ABLIM2: variants seen among roughly 807,000 people sequenced by gnomAD.
ABLIM2 encodes the protein actin binding LIM protein family member 2, also known as actin-binding LIM protein 2.
Under a neutral mutation model 97.7 loss-of-function variants are expected in ABLIM2, and 53 were observed. That is an observed-to-expected ratio of 0.54 (90% CI 0.44 to 0.68). The LOEUF (loss-of-function observed/expected upper bound fraction) is 0.68, where lower values mean the gene tolerates loss of function less well. Among genes scored for constraint, ABLIM2 ranks in the 30% least tolerant of loss-of-function variants. The pLI, the probability that ABLIM2 is intolerant of heterozygous loss-of-function variation, is 0.00. For missense variants in ABLIM2, 835 were observed against 867.2 expected (o/e 0.96, Z 0.47); for synonymous variants, 361 against 345.8 (o/e 1.04, Z -0.49).
In ABLIM2 at chr4:8,125,339, GT is replaced by G. The variant is rs908424082; in HGVS notation, c.11-18703del. ...GAGTGTTCTTCTAAGAGATTTACGG[GT>G]TTTTTGGTTTTACTGTAATTTTACA... On this transcript the variant is annotated intron_variant, in intron 1 of 20. Transcript: ENST00000447017. This position sits in a 1 kb window ranked among gnomAD's most constrained non-coding sequence, Gnocchi z 6.2. 6.6e-6 allele frequency among the ~76,000 whole-genome samples: 1 copy of G among 152,168 alleles called. No homozygotes were observed. Among genetic ancestry groups the G allele is most frequent in the East Asian group, 1.9e-4 (1 of 5,194 alleles).
At position 8,124,647 on chromosome 4, in the gene ABLIM2, C is replaced by G. The variant is rs986722886; in HGVS notation, c.11-18010G>C. ...TACAGACAGACCCTATTTGGCTCAT[C>G]CATTAGTCAGTGGATGAACTTTGGG... On this transcript the variant is annotated intron_variant, in intron 1 of 20. Coordinates refer to ENST00000447017, the MANE Select transcript of ABLIM2 (RefSeq NM_001130083.2). This position sits in a 1 kb window ranked among gnomAD's most constrained non-coding sequence, Gnocchi z 6.1. Among the ~76,000 whole-genome samples, 2 of 152,162 alleles carry G rather than the reference C, an allele frequency of 1.3e-5. No individual in the cohort carries two copies. Among genetic ancestry groups the G allele is most frequent in the African/African-American group, 4.8e-5 (2 of 41,422 alleles).
intron 10 of ABLIM2, among the ~76,000 whole-genome samples, chr4:8,034,413 G>A (rs927995509): frequency 4.7e-5 from 7 of 148,726 alleles, no homozygotes; most frequent in Admixed American, 4.7e-4. Flanking sequence ...AGGTAGGTGG[G>A]TGGTAGACAG....
intron 1 of ABLIM2, among the ~76,000 whole-genome samples, chr4:8,116,025 C>G (rs773265290): frequency 1.3e-5 from 2 of 152,218 alleles, no homozygotes; most frequent in East Asian, 1.9e-4. Context: ...TCAGCAAAGA[C>G]GCCTGTGGAG....
intron 8 of ABLIM2, among the ~76,000 whole-genome samples, chr4:8,051,689 T>G (rs910251776): frequency 9.2e-5 from 14 of 152,112 alleles, no homozygotes; most frequent in Non-Finnish European, 1.9e-4. Flanking sequence ...GATATGCAAA[T>G]GCAGGCCACT....
Position 8,061,948 on chromosome 4 carries a change from T to C in ABLIM2, c.676-894A>G, listed in dbSNP as rs1365028799. On this transcript the variant is annotated intron_variant, in intron 6 of 20. Coordinates refer to ENST00000447017, the MANE Select transcript of ABLIM2 (RefSeq NM_001130083.2). The surrounding 1 kb of genome is among the most constrained non-coding windows in gnomAD (Gnocchi z 4.5). ...ACAGCCCCGAGATGGCCCCTGTGTA[T>C]TGGGAGGAAGAGCCCAGAGCAGGCT... is the stretch of plus-strand genomic sequence containing the variant. Among the ~76,000 whole-genome samples, 1 of 152,132 alleles carries C rather than the reference T, an allele frequency of 6.6e-6. No homozygotes were observed. The highest frequency in any genetic ancestry group is 2.4e-5 in the African/African-American group (1 of 41,420).
At chr4:8,011,968 A>G (rs1420181799) in intron 14 of ABLIM2, among the ~76,000 whole-genome samples, 1 of 152,078 alleles carries the variant, frequency 6.6e-6, no homozygotes, top group East Asian at 1.9e-4. Flanking sequence ...TTACTGCTTT[A>G]TTCCTTTCCA....
At chr4:8,139,085 C>A (rs1421155059) in intron 1 of ABLIM2, among the ~76,000 whole-genome samples, 3 of 152,108 alleles carry the variant, frequency 2.0e-5, no homozygotes, top group Admixed American at 2.0e-4. Context: ...AATCCCAGCT[C>A]CTTGGGAGGC....
rs371842059 is a variant in ABLIM2 at position 8,014,241 on chromosome 4, G to A, written c.1424-5139C>T. 9.2e-5 allele frequency among the ~76,000 whole-genome samples: 14 copies of A among 152,374 alleles called. No individual in the cohort carries two copies. The East Asian group carries it at 2.7e-3, about 29-fold the overall frequency. ...GAAGGAGCTGATAGCAACTGGGGAA[G>A]GTGCCCGGGGTTTCATCCCTTAGGC... On this transcript the variant is annotated intron_variant, in intron 14 of 20. Transcript: ENST00000447017.
At chr4:7,969,000 C>T (rs563472760) in intron 20 of ABLIM2, among the ~76,000 whole-genome samples, 211 of 151,994 alleles carry the variant, frequency 1.4e-3, no homozygotes, top group Non-Finnish European at 2.2e-3. Context: ...GGCATGGTGG[C>T]ACATGCCTGT....
rs116640360 is a variant in ABLIM2, at chr4:8,023,805, C to A, written c.1268-3502G>T. 6.7e-3 allele frequency among the ~76,000 whole-genome samples: 1,014 copies of A among 152,314 alleles called. 9 individuals are homozygous for A. Among genetic ancestry groups the A allele is most frequent in the African/African-American group, 0.022 (934 of 41,564 alleles). On this transcript the variant is annotated intron_variant, in intron 12 of 20. Transcript: ENST00000447017. This position sits in a 1 kb window ranked among gnomAD's most constrained non-coding sequence, Gnocchi z 5.7. ...TATGTAGATCCTTGTGGACTGACGG[C>A]TCTTGCTATTATACTCTAGTTTACA...
intron 16 of ABLIM2, among the ~76,000 whole-genome samples, chr4:7,995,930 C>T (rs1753003605): frequency 6.6e-6 from 1 of 152,120 alleles, no homozygotes; most frequent in Non-Finnish European, 1.5e-5. Context: ...CCGAGACGTG[C>T]AGGAACCTGC....
At chr4:8,144,953 G>A (rs567039679) in intron 1 of ABLIM2, among the ~76,000 whole-genome samples, 14 of 152,338 alleles carry the variant, frequency 9.2e-5, no homozygotes, top group African/African-American at 3.4e-4. Context: ...CTGGGGAGGC[G>A]GCAGCACTGA....
At position 8,127,559 on chromosome 4, in the gene ABLIM2, C is replaced by T; in HGVS notation, c.11-20922G>A. ...TTTGGGGATTTACCTGTGTCTCCCCCTGGCACCCCCATGGAGCGTGGCTGC... is the reference window on the plus strand; with the variant it reads ...TTTGGGGATTTACCTGTGTCTCCCCTTGGCACCCCCATGGAGCGTGGCTGC... On this transcript the variant is annotated intron_variant, in intron 1 of 20. Coordinates refer to ENST00000447017, the MANE Select transcript of ABLIM2 (RefSeq NM_001130083.2). The surrounding 1 kb of genome is among the most constrained non-coding windows in gnomAD (Gnocchi z 7.3). 2 of 1,289,818 alleles carry T rather than the reference C, an allele frequency of 1.6e-6. No homozygotes were observed. Among genetic ancestry groups the T allele is most frequent in the Non-Finnish European group, 2.0e-6 (2 of 988,842 alleles). The allele number at this position is 1,289,818 out of a possible 1,614,324, so 79.9% of individuals were successfully genotyped here.
chr4:8,149,128 G>A lies in ABLIM2; in HGVS notation c.10+9552C>T, dbSNP rs1711670949. Reference sequence around the variant, plus strand: ...TTCCGTGCCTCTTCCAGCTTCTAGGGGCACCCGAGTTTCTTGGTGTGGGGC... The same window carrying A: ...TTCCGTGCCTCTTCCAGCTTCTAGGAGCACCCGAGTTTCTTGGTGTGGGGC... On this transcript the variant is annotated intron_variant, in intron 1 of 20. Transcript: ENST00000447017. The surrounding 1 kb of genome is among the most constrained non-coding windows in gnomAD (Gnocchi z 6.4). Among the ~76,000 whole-genome samples, 2 of 152,174 alleles carry A rather than the reference G, an allele frequency of 1.3e-5. No individual in the cohort carries two copies. Among genetic ancestry groups the A allele is most frequent in the Non-Finnish European group, 2.9e-5 (2 of 68,034 alleles).
Position 8,054,006 on chromosome 4 carries a change from G to A in ABLIM2, c.822+182C>T, listed in dbSNP as rs1190551576. On this transcript the variant is annotated intron_variant, in intron 8 of 20. Transcript: ENST00000447017. This position sits in a 1 kb window ranked among gnomAD's most constrained non-coding sequence, Gnocchi z 4.9. ...AAACAAAGATGCCCTTGTTCCATCT[G>A]TATTATTGCTCACCAGTCTACTTGT... Among the ~76,000 whole-genome samples the A allele has an allele frequency of 6.6e-6, 1 of 152,170 alleles. No homozygotes were observed. Among genetic ancestry groups the A allele is most frequent in the Non-Finnish European group, 1.5e-5 (1 of 68,034 alleles).
In ABLIM2 at chr4:8,127,734, G is replaced by C; in HGVS notation, c.11-21097C>G. 1 of 983,412 alleles carries C rather than the reference G, an allele frequency of 1.0e-6. No homozygotes were observed. The highest frequency in any genetic ancestry group is 1.2e-6 in the Non-Finnish European group (1 of 828,170). The allele number at this position is 983,412 out of a possible 1,614,324, so 60.9% of individuals were successfully genotyped here. The stretch of plus-strand genomic sequence containing the variant: ...TGGCAGCTGCCACCCTCTGCCCGGG[G>C]AGGGGCAGAGCCAAGCCCTTCCCGG... On this transcript the variant is annotated intron_variant, in intron 1 of 20. Coordinates refer to ENST00000447017, the MANE Select transcript of ABLIM2 (RefSeq NM_001130083.2). The surrounding 1 kb of genome is among the most constrained non-coding windows in gnomAD (Gnocchi z 7.3).
intron 6 of ABLIM2, among the ~76,000 whole-genome samples, chr4:8,064,109 T>C (rs1029381694): frequency 1.3e-5 from 2 of 152,248 alleles, no homozygotes; most frequent in South Asian, 2.1e-4. Context: ...ATAAAAACCC[T>C]GATTTCCTTT....
At chr4:8,151,336 C>T (rs1369676751) in intron 1 of ABLIM2, among the ~76,000 whole-genome samples, 2 of 152,166 alleles carry the variant, frequency 1.3e-5, no homozygotes, top group African/African-American at 2.4e-5. Context: ...CAGAGCCAGC[C>T]CTGGCACCCA....
chr4:8,000,282 C>T (rs1166113006), intron 16 of ABLIM2, among the ~76,000 whole-genome samples: 1 of 152,092 alleles, frequency 6.6e-6, no homozygotes, highest in Admixed American at 6.5e-5. Context: ...CTTGTAGACT[C>T]GAGATGCTGA....
Sources: gnomAD v4.1 joint callset for allele counts (sites outside exome capture counted in the v4.1 genomes callset) on GRCh38, gnomAD v4.1.1 for gene constraint, Gnocchi (gnomAD v3.1) non-coding constraint, MANE v1.5 for transcripts, NCBI Gene and HGNC (gene_info 2026-07-23, HGNC 2026-07-21) for gene names.